The following SLC4A9 variants were observed in gnomAD, a reference collection of about 807,000 sequenced individuals.
SLC4A9 encodes solute carrier family 4 member 9.
In SLC4A9, 102 loss-of-function variants were observed where a neutral mutation model predicts 103.2. The ratio of observed to expected loss-of-function variants is 0.99; its 90% CI spans 0.84 to 1.17. SLC4A9 has a LOEUF of 1.17. SLC4A9 is among the 50% of genes most tolerant of loss of function. The pLI is 0.00. For missense variants in SLC4A9, 1,091 were observed against 1,193.7 expected (o/e 0.91, Z 1.27); for synonymous variants, 453 against 483.6 (o/e 0.94, Z 0.83).
rs1277198490 is a variant in SLC4A9 at position 140,363,060 on chromosome 5, A to C, written c.956A>C (p.His319Pro). ...CCGCCCAAATGTCTGCCATCTCAGC[A>C]CAAAAGGTACCTGGGAGCCATCATC... is the stretch of plus-strand genomic sequence containing the variant. ...IPPPKCLPSQ[H>P]KRLPSQQREI... is the part of the protein sequence containing the mutation. Residue 319 changes from histidine to proline, a missense_variant, in exon 7 of 22, where the codon CAC becomes CCC. His to Pro is a moderately conservative substitution (Grantham distance 77, BLOSUM62 -2). Coordinates refer to ENST00000506757, the MANE Select transcript of SLC4A9 (RefSeq NM_031467.3). The surrounding 1 kb of genome is among the most constrained non-coding windows in gnomAD (Gnocchi z 4.5). 1 of 1,613,126 alleles carries C rather than the reference A, an allele frequency of 6.2e-7. No individual in the cohort carries two copies. Among genetic ancestry groups the C allele is most frequent in the Admixed American group, 1.7e-5 (1 of 59,660 alleles).
chr5:140,368,971 C>A (rs1415388759), intron 17 of SLC4A9, among the ~76,000 whole-genome samples: 2 of 152,188 alleles, frequency 1.3e-5, no homozygotes, highest in Non-Finnish European at 2.9e-5. Context: ...TGTGCCACCA[C>A]CATCCCCTAG....
At chr5:140,366,058 A>T (rs1767837752) in intron 13 of SLC4A9, 36 bp downstream of exon 13, 6 of 1,612,180 alleles carry the variant, frequency 3.7e-6, no homozygotes, top group Admixed American at 1.7e-5. Flanking sequence ...GAGAGGCCTG[A>T]CTCTAAGCTT....
intron 2 of SLC4A9, 80 bp from the exon 3 acceptor site, chr5:140,361,174 G>C: frequency 7.4e-7 from 1 of 1,344,826 alleles, no homozygotes; most frequent in South Asian, 1.3e-5. Flanking sequence ...GAAGGGAAAG[G>C]TGTCTGGGCA....
Position 140,364,450 on chromosome 5 carries a change from C to T in SLC4A9, c.1476C>T (p.Ala492=). 6.2e-7 allele frequency: 1 copy of T among 1,613,494 alleles called. No homozygotes were observed. The highest frequency in any genetic ancestry group is 8.5e-7 in the Non-Finnish European group (1 of 1,179,676). The change falls in exon 11 of 22, where the codon GCC becomes GCT. Residue 492 remains alanine, a synonymous_variant. Coordinates refer to ENST00000506757, the MANE Select transcript of SLC4A9 (RefSeq NM_031467.3). ...GCCTGGTGCTGGTGGCCACAGAGGC[C>T]AGTGTGCTGGTGCGCTACTTCACCC... ...TFCLVLVATE[A]SVLVRYFTRF... is the part of the protein sequence containing the mutation.
rs749498004 is a variant in SLC4A9 at position 140,362,544 on chromosome 5, A to C, written c.807+12A>C. ...TCCTCAGTGACCCGGTGAGCTGAGC[A>C]GGTGTGTGTGTGTGCGCGCGCACGC... is the stretch of plus-strand genomic sequence containing the variant. On this transcript the variant is annotated intron_variant, in intron 6 of 21. Transcript: ENST00000506757. 6.2e-7 allele frequency: 1 copy of C among 1,613,488 alleles called. No homozygotes were observed. Among genetic ancestry groups the C allele is most frequent in the Non-Finnish European group, 8.5e-7 (1 of 1,179,496 alleles).
Position 140,366,215 on chromosome 5 carries a change from C to T in SLC4A9, c.1964C>T (p.Ala655Val), listed in dbSNP as rs34298619. The T allele has an allele frequency of 1.2e-6, 2 of 1,607,948 alleles. No homozygotes were observed. The highest frequency in any genetic ancestry group is 1.7e-6 in the Non-Finnish European group (2 of 1,176,854). Residue 655 changes from alanine (A) to valine (V), a missense_variant, in exon 14 of 22, where the codon GCT becomes GTT. By Grantham distance (64) the Ala-to-Val change is moderately conservative. Transcript: ENST00000506757. The stretch of plus-strand genomic sequence containing the variant: ...ATCCTGCTCGGCTGTGGCCTTGATG[C>T]TTTCCTGGGCCTAGCCACACCAAAG... Reference protein sequence around the residue: ...LAILLGCGLDAFLGLATPKLM... With the variant: ...LAILLGCGLDVFLGLATPKLM...
At position 140,363,069 on chromosome 5, in the gene SLC4A9, A is replaced by G; in HGVS notation, c.962+3A>G. 6.2e-7 allele frequency: 1 copy of G among 1,612,692 alleles called. No homozygotes were observed. Among genetic ancestry groups the G allele is most frequent in the African/African-American group, 1.3e-5 (1 of 74,916 alleles). The stretch of plus-strand genomic sequence containing the variant: ...TGTCTGCCATCTCAGCACAAAAGGT[A>G]CCTGGGAGCCATCATCCCATACAGA... On this transcript the variant is annotated splice_donor_region_variant and intron_variant, in intron 7 of 21. Transcript: ENST00000506757. This position sits in a 1 kb window ranked among gnomAD's most constrained non-coding sequence, Gnocchi z 4.5.
At position 140,364,171 on chromosome 5, in the gene SLC4A9, C is replaced by T. The variant is rs763691109; in HGVS notation, c.1372C>T (p.Leu458Phe). Residue 458 changes from leucine (L) to phenylalanine (F), a missense_variant, in exon 10 of 22, where the codon CTC becomes TTC. Physicochemically the swap from Leu to Phe is conservative, Grantham distance 22. Transcript: ENST00000506757. ...GCCAGTGCTGGTCTTTGAGCGCCTG[C>T]TCTTCTCTTTCAGCAGGTAGGAGAG... ...TGPVLVFERL[L>F]FSFSRDYSLD... 6 of 1,571,194 alleles carry T rather than the reference C, an allele frequency of 3.8e-6. No individual in the cohort carries two copies. Among genetic ancestry groups the T allele is most frequent in the Non-Finnish European group, 4.3e-6 (5 of 1,158,440 alleles).
rs761837313 is a variant in SLC4A9, at chr5:140,363,052, A to G, written c.948A>G (p.Pro316=). 1.2e-6 allele frequency: 2 copies of G among 1,613,214 alleles called. No individual in the cohort carries two copies. The highest frequency in any genetic ancestry group is 1.3e-5 in the African/African-American group (1 of 74,854). Residue 316 remains proline (P), a synonymous_variant, in exon 7 of 22, where the codon CCA becomes CCG. Transcript: ENST00000506757. The surrounding 1 kb of genome is among the most constrained non-coding windows in gnomAD (Gnocchi z 4.5). ...TARIPPPKCL[P]SQHKRLPSQQ... ...GGATTCCCCCGCCCAAATGTCTGCC[A>G]TCTCAGCACAAAAGGTACCTGGGAG...
In SLC4A9 at chr5:140,371,501, C is replaced by A; in HGVS notation, c.2547C>A (p.Asp849Glu). 1 of 1,614,052 alleles carries A rather than the reference C, an allele frequency of 6.2e-7. No homozygotes were observed. Among genetic ancestry groups the A allele is most frequent in the Non-Finnish European group, 8.5e-7 (1 of 1,179,898 alleles). The change falls in exon 19 of 22, where the codon GAC (aspartate) becomes GAA (glutamate). Residue 849 changes from aspartate (D) to glutamate (E), a missense_variant. Physicochemically the swap from Asp to Glu is conservative, Grantham distance 45. Coordinates refer to ENST00000506757, the MANE Select transcript of SLC4A9 (RefSeq NM_031467.3). ...TGATGCCAGCAAAACACCAGCCAGA[C>A]CTGCTACTCTTGCGGCATGTGCCTC... ...LLLMPAKHQP[D>E]LLLLRHVPLT...
In SLC4A9 at chr5:140,361,852, CT is replaced by C; in HGVS notation, c.551del (p.Leu184ArgfsTer9). 1 of 1,614,006 alleles carries C rather than the reference CT, an allele frequency of 6.2e-7. No homozygotes were observed. The highest frequency in any genetic ancestry group is 8.5e-7 in the Non-Finnish European group (1 of 1,179,890). Reference protein sequence around the residue: ...RKASDNEEAPLREQCQNPLRQ... With the variant: ...RKASDNEEAPXREQCQNPLRQ... ...GGCTTCTGACAATGAGGAAGCCCCC[CT>C]GAGGGAACAGGTTTGTGGCCCTTCC... On this transcript the variant is annotated frameshift_variant, in exon 4 of 22. Coordinates refer to ENST00000506757, the MANE Select transcript of SLC4A9 (RefSeq NM_031467.3). LOFTEE classifies it high-confidence loss of function.
At position 140,365,504 on chromosome 5, in the gene SLC4A9, C is replaced by A. The variant is rs2126765811; in HGVS notation, c.1652-16C>A. Reference sequence around the variant, plus strand: ...AGGGGAGGGAACATACATCTGAATTCTTCTCTGCTTCCCAGGAAATGAGTC... The same window carrying A: ...AGGGGAGGGAACATACATCTGAATTATTCTCTGCTTCCCAGGAAATGAGTC... On this transcript the variant is annotated splice_polypyrimidine_tract_variant and intron_variant, in intron 11 of 21. Transcript: ENST00000506757. The A allele has an allele frequency of 1.9e-6, 3 of 1,604,284 alleles. No individual in the cohort carries two copies. The highest frequency in any genetic ancestry group is 2.6e-6 in the Non-Finnish European group (3 of 1,175,140).
intron 5 of SLC4A9, 22 bp from the exon 6 acceptor site, chr5:140,362,423 T>TG: frequency 6.2e-7 from 1 of 1,611,022 alleles, no homozygotes; most frequent in Non-Finnish European, 8.5e-7. Flanking sequence ...TGTGAATCTC[T>TG]GGGGCCTGGT....
chr5:140,367,773 C>G lies in SLC4A9; in HGVS notation c.2229C>G (p.Leu743=). 1 of 1,614,006 alleles carries G rather than the reference C, an allele frequency of 6.2e-7. No individual in the cohort carries two copies. Among genetic ancestry groups the G allele is most frequent in the Non-Finnish European group, 8.5e-7 (1 of 1,179,874 alleles). Residue 743 remains leucine (L), a synonymous_variant, in exon 16 of 22, where the codon CTC becomes CTG. Transcript: ENST00000506757. The part of the protein sequence containing the change: ...DLFCVAVLML[L]TSALGLPWYV... ...TCTGTGTGGCTGTGCTGATGCTACT[C>G]ACATCAGCGCTTGGACTGCCTTGGT...
chr5:140,371,416 A>C, intron 18 of SLC4A9, 35 bp from the exon 19 acceptor site: 1 of 1,612,500 alleles, frequency 6.2e-7, no homozygotes, highest in Non-Finnish European at 8.5e-7. Context: ...AGGCTACCTG[A>C]GTGCCCTGCT....
At position 140,372,308 on chromosome 5, in the gene SLC4A9, C is replaced by A. The variant is rs1290953006; in HGVS notation, c.2737C>A (p.Leu913Met). ...CTTCTCACCACAGGAACTCCTCTGG[C>A]TGGATGAGCTGATGCCAGAGGAGGA... ...RVFSPQELLWLDELMPEEERS... is the reference protein window; with the variant it reads ...RVFSPQELLWMDELMPEEERS... The change falls in exon 20 of 22, where the codon CTG becomes ATG. Residue 913 changes from leucine to methionine, a missense_variant. Physicochemically the swap from Leu to Met is conservative, Grantham distance 15. Coordinates refer to ENST00000506757, the MANE Select transcript of SLC4A9 (RefSeq NM_031467.3). The A allele has an allele frequency of 6.2e-7, 1 of 1,608,838 alleles. No homozygotes were observed. The highest frequency in any genetic ancestry group is 2.2e-5 in the East Asian group (1 of 44,556).
At chr5:140,369,834 T>C (rs1331325949) in intron 17 of SLC4A9, among the ~76,000 whole-genome samples, 2 of 151,898 alleles carry the variant, frequency 1.3e-5, no homozygotes. Context: ...AAACCCCGTC[T>C]CTACAAAAAA....
chr5:140,360,888 C>T lies in SLC4A9; in HGVS notation c.307C>T (p.Pro103Ser). 6.2e-7 allele frequency: 1 copy of T among 1,610,702 alleles called. No individual in the cohort carries two copies. Among genetic ancestry groups the T allele is most frequent in the Non-Finnish European group, 8.5e-7 (1 of 1,178,924 alleles). The change falls in exon 2 of 22, where the codon CCC becomes TCC. Residue 103 changes from proline (P) to serine (S), a missense_variant. Coordinates refer to ENST00000506757, the MANE Select transcript of SLC4A9 (RefSeq NM_031467.3). ...SAPHVPTLAL[P>S]SLQKLRSLLA... ...CCCCCACGTGCCCACCCTGGCACTG[C>T]CCAGCCTCCAGAAGCTCCGCAGCCT...
At chr5:140,367,945 A>G in intron 16 of SLC4A9, 47 bp downstream of exon 16, 1 of 1,599,210 alleles carries the variant, frequency 6.3e-7, no homozygotes, top group Non-Finnish European at 8.6e-7. Flanking sequence ...GCAGCAAGGT[A>G]AGGCAAAGGG....
Sources: gnomAD v4.1 joint callset for allele counts (sites outside exome capture counted in the v4.1 genomes callset) on GRCh38, gnomAD v4.1.1 for gene constraint, Gnocchi (gnomAD v3.1) non-coding constraint, MANE v1.5 for transcripts, NCBI Gene and HGNC (gene_info 2026-07-23, HGNC 2026-07-21) for gene names.